The following TMBIM1 variants were observed in gnomAD, a reference collection of about 807,000 sequenced individuals.
TMBIM1 encodes transmembrane BAX inhibitor motif containing 1.
In TMBIM1, 34 loss-of-function variants were observed where a neutral mutation model predicts 45.1. The observed-to-expected ratio is 0.75, with a 90% CI of 0.57 to 1.00. The LOEUF is 1.00. Among genes scored for constraint, TMBIM1 ranks in the 50% least tolerant of loss-of-function variants. The pLI is 0.00. For missense variants in TMBIM1, 374 were observed against 402.4 expected (o/e 0.93, Z 0.60); for synonymous variants, 157 against 153.5 (o/e 1.02, Z -0.17).
chr2:218,283,755 G>A (rs1692254206), intron 1 of TMBIM1, among the ~76,000 whole-genome samples: 1 of 152,160 alleles, frequency 6.6e-6, no homozygotes, highest in South Asian at 2.1e-4. Context: ...TGGCAGGGAG[G>A]GTTGAGGAGG....
At chr2:218,285,933 A>G (rs915190884) in intron 1 of TMBIM1, 3 of 154,708 alleles carry the variant, frequency 1.9e-5, no homozygotes, top group Non-Finnish European at 4.4e-5. Flanking sequence ...TGGGGCTGGC[A>G]TCTGCCTAGG....
chr2:218,285,700 A>G (rs1692451437), intron 1 of TMBIM1: 1 of 152,446 alleles, frequency 6.6e-6, no homozygotes, highest in South Asian at 2.1e-4. Flanking sequence ...AGACCTGGGC[A>G]CAGGAGAGGA....
Position 218,279,027 on chromosome 2 carries a change from C to T in TMBIM1, c.422+11G>A. 1 of 1,614,120 alleles carries T rather than the reference C, an allele frequency of 6.2e-7. No homozygotes were observed. Among genetic ancestry groups the T allele is most frequent in the Non-Finnish European group, 8.5e-7 (1 of 1,179,970 alleles). On this transcript the variant is annotated intron_variant, in intron 5 of 11. Coordinates refer to ENST00000258412, the MANE Select transcript of TMBIM1 (RefSeq NM_022152.6). ...GCCTCCCTGCCCAACCACAGAGGAG[C>T]ACACACTCACTAGGACACGTAGTAG... is the stretch of plus-strand genomic sequence containing the variant.
chr2:218,277,306 G>A, intron 9 of TMBIM1, 60 bp downstream of exon 9: 4 of 1,498,780 alleles, frequency 2.7e-6, no homozygotes, highest in Non-Finnish European at 3.7e-6. Flanking sequence ...GTGTGCCGGG[G>A]TCCGGGCCTG....
At chr2:218,290,042 G>A (rs79762347) in intron 1 of TMBIM1, 5,138 of 152,208 alleles carry the variant, frequency 0.034, 91 homozygotes, top group African/African-American at 0.041. Context: ...ATCAGCCCAC[G>A]TGGGGGAAAG....
intron 1 of TMBIM1, 46 bp from the exon 2 acceptor site, chr2:218,282,227 C>A: frequency 8.8e-7 from 1 of 1,133,118 alleles, no homozygotes; most frequent in Non-Finnish European, 1.2e-6. Flanking sequence ...CCAGGCCCAG[C>A]TCACTCAGCC....
At chr2:218,278,179 C>T (rs961050834) in intron 6 of TMBIM1, 1 of 622,402 alleles carries the variant, frequency 1.6e-6, no homozygotes, top group African/African-American at 1.8e-5. Context: ...TGTTGTGGCG[C>T]CAGAAACACC....
rs1480588497 is a variant in TMBIM1, at chr2:218,275,639, C to T, written c.790-18G>A. 6.2e-7 allele frequency: 1 copy of T among 1,601,984 alleles called. No individual in the cohort carries two copies. ...GCCAGGAACTGCAAGGATAGGGAAG[C>T]CAGAAGTGAGAACTCAGGCATCAGT... On this transcript the variant is annotated intron_variant, in intron 11 of 11. Transcript: ENST00000258412.
At position 218,280,123 on chromosome 2, in the gene TMBIM1, G is replaced by T; in HGVS notation, c.206C>A (p.Pro69Gln). The stretch of plus-strand genomic sequence containing the variant: ...CTCCTCCCCATCATAGCCATGGCCT[G>T]GGCCTAGGGACAGATGACACTTGAC... ...PTHPMPMNYG[P>Q]GHGYDGEERA... Residue 69 changes from proline (P) to glutamine (Q), a missense_variant, in exon 3 of 12, where the codon CCA becomes CAA. By Grantham distance (76) the Pro-to-Gln change is moderately conservative. Transcript: ENST00000258412. The T allele has an allele frequency of 6.2e-7, 1 of 1,613,140 alleles. No individual in the cohort carries two copies. The highest frequency in any genetic ancestry group is 8.5e-7 in the Non-Finnish European group (1 of 1,179,106).
chr2:218,277,186 G>A, intron 9 of TMBIM1, 87 bp from the exon 10 acceptor site: 2 of 1,246,668 alleles, frequency 1.6e-6, no homozygotes, highest in Non-Finnish European at 2.4e-6. Flanking sequence ...TCCCAGTGCT[G>A]CCTCCTAGGG....
intron 1 of TMBIM1, among the ~76,000 whole-genome samples, chr2:218,289,268 TG>T (rs1692763666): frequency 1.3e-5 from 2 of 152,074 alleles, no homozygotes; most frequent in Admixed American, 1.3e-4. Flanking sequence ...CTGAAGTTCT[TG>T]TCCTGGCTTT....
rs2106213133 is a variant in TMBIM1 at position 218,281,960 on chromosome 2, T to G, written c.182A>C (p.His61Pro). The change falls in exon 2 of 12, where the codon CAC (histidine) becomes CCC (proline). Residue 61 changes from histidine (H) to proline (P), a missense_variant. His to Pro is a moderately conservative substitution (Grantham distance 77, BLOSUM62 -2). Transcript: ENST00000258412. Reference protein sequence around the residue: ...AGYPQPMPPTHPMPMNYGPGH... With the variant: ...AGYPQPMPPTPPMPMNYGPGH... ...CTCACCGTAGTTCATGGGCATCGGG[T>G]GGGTGGGGGGCATGGGCTGTGGGTA... The G allele has an allele frequency of 1.3e-6, 2 of 1,598,712 alleles. No individual in the cohort carries two copies. The highest frequency in any genetic ancestry group is 1.7e-6 in the Non-Finnish European group (2 of 1,173,788).
chr2:218,278,199 T>C, intron 6 of TMBIM1: 1 of 613,862 alleles, frequency 1.6e-6, no homozygotes, highest in South Asian at 2.0e-5. Context: ...CTGGATTGGT[T>C]TGCAACTCTT....
At chr2:218,280,576 CAGGTGTGCAAA>C (rs2106205917) in intron 2 of TMBIM1, 1 of 226,308 alleles carries the variant, frequency 4.4e-6, no homozygotes, top group Non-Finnish European at 8.9e-6. Flanking sequence ...CTCACAGAGG[CAGGTGTGCAAA>C]GGGTGTGCGT....
chr2:218,291,068 G>A (rs937591607), intron 1 of TMBIM1, among the ~76,000 whole-genome samples: 22 of 152,174 alleles, frequency 1.4e-4, no homozygotes, highest in Non-Finnish European at 2.5e-4. Context: ...GGTAGACAGC[G>A]TCTGGCTGAG....
chr2:218,275,462 GGGGGC>G lies in TMBIM1; in HGVS notation c.*8_*12del. On this transcript the variant is annotated 3_prime_UTR_variant, in exon 12 of 12. Coordinates refer to ENST00000258412, the MANE Select transcript of TMBIM1 (RefSeq NM_022152.6). ...GGAGAGCCCAGGATCGGGTGAAAAT[GGGGGC>G]TTGCTCCTTAATTGCGATCCCCCAT... 6.2e-7 allele frequency: 1 copy of G among 1,609,390 alleles called. No homozygotes were observed. The highest frequency in any genetic ancestry group is 8.5e-7 in the Non-Finnish European group (1 of 1,177,314).
rs757128573 is a variant in TMBIM1 at position 218,282,183 on chromosome 2, T to G, written c.-40-2A>C. On this transcript the variant is annotated splice_acceptor_variant, in intron 1 of 11. Coordinates refer to ENST00000258412, the MANE Select transcript of TMBIM1 (RefSeq NM_022152.6). LOFTEE classifies it low-confidence loss of function (5UTR_SPLICE). ...AGGGGGAACCCCAGCTGCTGGGACCTGAAATGGGAGAGGAGAAAAGCAATC... is the reference window on the plus strand; with the variant it reads ...AGGGGGAACCCCAGCTGCTGGGACCGGAAATGGGAGAGGAGAAAAGCAATC... 3.6e-6 allele frequency: 5 copies of G among 1,408,444 alleles called. No homozygotes were observed. Among genetic ancestry groups the G allele is most frequent in the Non-Finnish European group, 4.7e-6 (5 of 1,068,342 alleles). The allele number at this position is 1,408,444 out of a possible 1,614,324, so 87.2% of individuals were successfully genotyped here.
At chr2:218,279,248 C>A (rs776791368) in intron 4 of TMBIM1, 41 bp downstream of exon 4, 4 of 1,563,834 alleles carry the variant, frequency 2.6e-6, no homozygotes, top group Non-Finnish European at 3.5e-6. Flanking sequence ...ACCCTGAACC[C>A]CCAGGGCAGT....
chr2:218,277,483 G>A, intron 8 of TMBIM1, 30 bp from the exon 9 acceptor site: 3 of 1,612,272 alleles, frequency 1.9e-6, no homozygotes, highest in Non-Finnish European at 2.5e-6. Flanking sequence ...ACAGACAAGA[G>A]GCATTAAGCC....
Sources: gnomAD v4.1 joint callset for allele counts (sites outside exome capture counted in the v4.1 genomes callset) on GRCh38, gnomAD v4.1.1 for gene constraint, MANE v1.5 for transcripts, NCBI Gene and HGNC (gene_info 2026-07-23, HGNC 2026-07-21) for gene names.